Variants in HAS3 observed in about 807,000 individuals in gnomAD.
The protein encoded by HAS3 is HA synthase 3.
A neutral mutation model predicts 50.3 loss-of-function variants in HAS3; 27 were observed. The ratio of observed to expected loss-of-function variants is 0.54; its 90% CI spans 0.40 to 0.74. The LOEUF is 0.74. Ranked by LOEUF, HAS3 falls within the 30% of genes least tolerant of loss-of-function variation. The pLI is 0.00. For synonymous variants in HAS3, 339 were observed against 310.9 expected, an observed-to-expected ratio of 1.09 and a Z score of -0.95; for missense variants, 517 against 742.8, an observed-to-expected ratio of 0.70 and a Z score of 3.53.
In HAS3 at chr16:69,114,409, G is replaced by A. The variant is rs1255844667; in HGVS notation, c.805G>A (p.Val269Met). 5.0e-6 allele frequency: 8 copies of A among 1,612,090 alleles called. No individual in the cohort carries two copies. Among genetic ancestry groups the A allele is most frequent in the Non-Finnish European group, 6.8e-6 (8 of 1,180,018 alleles). Residue 269 changes from valine (V) to methionine (M), a missense_variant, in exon 4 of 4, where the codon GTG becomes ATG. Coordinates refer to ENST00000569188, the MANE Select transcript of HAS3 (RefSeq NM_001199280.2). This position sits in a 1 kb window ranked among gnomAD's most constrained non-coding sequence, Gnocchi z 6.4. The stretch of plus-strand genomic sequence containing the variant: ...CGTGCGGTACTGGATGGCCTTCAAC[G>A]TGGAGCGGGCCTGCCAGTCCTACTT... ...SSVRYWMAFNVERACQSYFGC... is the reference protein window; with the variant it reads ...SSVRYWMAFNMERACQSYFGC...
At chr16:69,100,501 T>C in the HAS3 span, among the ~76,000 whole-genome samples, 25 of 152,166 alleles carry the variant, frequency 1.6e-4, 1 homozygote, top group African/African-American at 6.0e-4. Flanking sequence ...TGTTTTGCTT[T>C]GCTGGAAGTG....
At chr16:69,086,465 T>C in the HAS3 span, among the ~76,000 whole-genome samples, 1 of 151,930 alleles carries the variant, frequency 6.6e-6, no homozygotes, top group Non-Finnish European at 1.5e-5. Context: ...CACTGGGCCC[T>C]AATGTAATCC....
chr16:69,086,852 C>G, the HAS3 span, among the ~76,000 whole-genome samples: 1 of 151,860 alleles, frequency 6.6e-6, no homozygotes, highest in East Asian at 1.9e-4. Flanking sequence ...TGTGGTGAGC[C>G]GAGATTGCGC....
At chr16:69,089,927 C>T in the HAS3 span, among the ~76,000 whole-genome samples, 145 of 152,290 alleles carry the variant, frequency 9.5e-4, no homozygotes, top group African/African-American at 3.3e-3. Flanking sequence ...ATTTTCCATC[C>T]ATAAGCTTGT....
chr16:69,105,265 G>A (rs559354214), upstream of HAS3, among the ~76,000 whole-genome samples: 1 of 152,068 alleles, frequency 6.6e-6, no homozygotes, highest in East Asian at 1.9e-4. Context: ...GTTTTCCTGA[G>A]ATGTAAAAAC....
Position 69,115,181 on chromosome 16 carries a change from CCCT to C in HAS3, c.1582_1584del (p.Leu528del). On this transcript the variant is annotated inframe_deletion, in exon 4 of 4. Coordinates refer to ENST00000569188, the MANE Select transcript of HAS3 (RefSeq NM_001199280.2). ...ATACTGTATGGCTGCTACTGGGTGG[CCCT>C]CCTCATGCTATATCTGGCCATCATC... 6.3e-7 allele frequency: 1 copy of C among 1,588,752 alleles called. No individual in the cohort carries two copies. The highest frequency in any genetic ancestry group is 8.6e-7 in the Non-Finnish European group (1 of 1,166,588).
chr16:69,108,461 C>T (rs777502893), intron 1 of HAS3, among the ~76,000 whole-genome samples: 1 of 152,152 alleles, frequency 6.6e-6, no homozygotes, highest in Non-Finnish European at 1.5e-5. Context: ...CAGCTGTTTC[C>T]AACAGGGGAG....
At chr16:69,096,831 A>T in the HAS3 span, among the ~76,000 whole-genome samples, 2 of 150,504 alleles carry the variant, frequency 1.3e-5, no homozygotes, top group East Asian at 4.1e-4. Context: ...GTTAGCCAGG[A>T]TGGGCTCAAT....
the HAS3 span, among the ~76,000 whole-genome samples, chr16:69,088,784 G>A: frequency 6.6e-6 from 1 of 151,798 alleles, no homozygotes; most frequent in Non-Finnish European, 1.5e-5. Flanking sequence ...AAGTGCCAAG[G>A]CCCAGAGGTA....
upstream of HAS3, among the ~76,000 whole-genome samples, chr16:69,104,279 CTTTTCT>C (rs1264261965): frequency 2.2e-5 from 3 of 135,706 alleles, no homozygotes; most frequent in Admixed American, 1.5e-4. Flanking sequence ...TTTTTCTTTT[CTTTTCT>C]TTTTCTTTTT....
chr16:69,109,897 C>T lies in HAS3; in HGVS notation c.502C>T (p.Gln168Ter). 6.2e-7 allele frequency: 1 copy of T among 1,613,976 alleles called. No homozygotes were observed. Among genetic ancestry groups the T allele is most frequent in the South Asian group, 1.1e-5 (1 of 91,080 alleles). ...AGEGETEASL[Q>*]EGMDRVRDVV... ...CGAGGGTGAGACGGAGGCCAGCCTG[C>T]AGGAGGGCATGGACCGTGTGCGGGA... Residue 168 changes from glutamine (Q) to a stop codon, truncating the protein, a stop_gained, in exon 2 of 4, where the codon CAG becomes TAG. Coordinates refer to ENST00000569188, the MANE Select transcript of HAS3 (RefSeq NM_001199280.2). LOFTEE classifies it high-confidence loss of function. This position sits in a 1 kb window ranked among gnomAD's most constrained non-coding sequence, Gnocchi z 5.3.
chr16:69,095,570 G>C, the HAS3 span, among the ~76,000 whole-genome samples: 1 of 151,530 alleles, frequency 6.6e-6, no homozygotes, highest in Non-Finnish European at 1.5e-5. Flanking sequence ...TGATTAAATT[G>C]ATCTGGGATG....
chr16:69,096,060 C>A, the HAS3 span, among the ~76,000 whole-genome samples: 8 of 146,880 alleles, frequency 5.4e-5, no homozygotes, highest in African/African-American at 1.8e-4. Context: ...ACTAAAAATA[C>A]AAAAAATTAG....
Position 69,117,576 on chromosome 16 carries a change from CTTTT to C in HAS3, c.*2323_*2326del, listed in dbSNP as rs10558208. The C allele has an allele frequency of 0.15, 105,200 of 695,992 alleles. 4,378 individuals are homozygous for C. Among genetic ancestry groups the C allele is most frequent in the Middle Eastern group, 0.22 (300 of 1,370 alleles). The allele number at this position is 695,992 out of a possible 1,614,324, so 43.1% of individuals were successfully genotyped here. A position where few individuals can be genotyped will look rare whatever the true frequency, so the allele number is the denominator to read the frequency against. On this transcript the variant is annotated 3_prime_UTR_variant, in exon 4 of 4. Coordinates refer to ENST00000569188, the MANE Select transcript of HAS3 (RefSeq NM_001199280.2). ...TTGTAAACATATTTATTTTTACCTG[CTTTT>C]TTTTTTTTTTTTAATTTTCAGGTCA...
In HAS3 at chr16:69,107,346, C is replaced by T. The variant is rs1006411256; in HGVS notation, c.-1+1559C>T. ...CCAGGGAAGGAGAGGGCCGGCTACA[C>T]CGGGGATGCGCCTTTGTCTACAGGC... On this transcript the variant is annotated intron_variant, in intron 1 of 3. Transcript: ENST00000569188. This position sits in a 1 kb window ranked among gnomAD's most constrained non-coding sequence, Gnocchi z 5.5. 3 of 983,926 alleles carry T rather than the reference C, an allele frequency of 3.0e-6. No homozygotes were observed. The highest frequency in any genetic ancestry group is 1.7e-5 in the African/African-American group (1 of 57,206). The allele number at this position is 983,926 out of a possible 1,614,324, so 60.9% of individuals were successfully genotyped here.
the HAS3 span, among the ~76,000 whole-genome samples, chr16:69,094,831 A>T: frequency 6.6e-6 from 1 of 152,174 alleles, no homozygotes; most frequent in African/African-American, 2.4e-5. Flanking sequence ...TTCCAGGTGT[A>T]TCGGAGAGAC....
chr16:69,111,157 A>AATTT (rs1960987946), intron 2 of HAS3, among the ~76,000 whole-genome samples: 1 of 62,274 alleles, frequency 1.6e-5, no homozygotes, highest in Non-Finnish European at 2.7e-5. Flanking sequence ...CTAGGCCAGG[A>AATTT]TTTTTTTTTT....
chr16:69,098,940 G>A, the HAS3 span, among the ~76,000 whole-genome samples: 3 of 151,368 alleles, frequency 2.0e-5, no homozygotes, highest in East Asian at 5.9e-4. Flanking sequence ...GGGATTACAG[G>A]TGTGAGCCAC....
downstream of HAS3, chr16:69,118,137 T>TA: frequency 1.2e-5 from 1 of 86,122 alleles, no homozygotes; most frequent in Non-Finnish European, 2.4e-5. Flanking sequence ...ACCCCCACCC[T>TA]AATTCCCATA....
Sources: allele counts gnomAD v4.1 joint callset (sites outside exome capture counted in the v4.1 genomes callset), GRCh38; gene constraint gnomAD v4.1.1; non-coding constraint Gnocchi (gnomAD v3.1); transcripts MANE v1.5; gene names NCBI Gene and HGNC (gene_info 2026-07-23, HGNC 2026-07-21).